Variants in CACNA2D3 observed in about 807,000 individuals in gnomAD.
CACNA2D3 encodes the protein voltage-dependent calcium channel subunit alpha-2/delta-3.
A neutral mutation model predicts 160.6 loss-of-function variants in CACNA2D3; 60 were observed. The observed-to-expected ratio is 0.37, with a 90% CI of 0.30 to 0.46. The LOEUF is 0.46. Among genes scored for constraint, CACNA2D3 ranks in the 20% least tolerant of loss-of-function variants. The pLI is 1.00. For missense variants in CACNA2D3, 1,205 were observed against 1,365.0 expected (o/e 0.88, Z 1.85); for synonymous variants, 558 against 492.9 (o/e 1.13, Z -1.75).
chr3:54,393,887 T>A (rs9870407), intron 4 of CACNA2D3, among the ~76,000 whole-genome samples: 3 of 152,082 alleles, frequency 2.0e-5, no homozygotes, highest in African/African-American at 7.2e-5. Flanking sequence ...ACCCGTCTTC[T>A]TGGGGAGTGG....
intron 4 of CACNA2D3, among the ~76,000 whole-genome samples, chr3:54,458,934 C>G (rs373946470): frequency 6.6e-6 from 1 of 152,058 alleles, no homozygotes; most frequent in African/African-American, 2.4e-5. Context: ...TCCCCCACCC[C>G]ACAACAGGCC....
intron 2 of CACNA2D3, among the ~76,000 whole-genome samples, chr3:54,265,611 TGTGTATATATATATA>T (rs1300170077): frequency 7.5e-5 from 11 of 147,560 alleles, no homozygotes; most frequent in East Asian, 2.2e-4. Flanking sequence ...ATATATATAG[TGTGTATATATATATA>T]GTGTGTATAT....
chr3:54,898,539 A>G (rs1700252744), intron 26 of CACNA2D3, among the ~76,000 whole-genome samples: 1 of 152,130 alleles, frequency 6.6e-6, no homozygotes, highest in Admixed American at 6.6e-5. Flanking sequence ...TCTGCACCAC[A>G]CTTTGTTGCT....
intron 10 of CACNA2D3, among the ~76,000 whole-genome samples, chr3:54,636,903 G>A (rs538894961): frequency 6.6e-6 from 1 of 152,106 alleles, no homozygotes; most frequent in Admixed American, 6.5e-5. Context: ...TCAGTGTCAG[G>A]GTGAGTCTAA....
chr3:54,836,226 C>CTTTTTTT (rs71096454), intron 14 of CACNA2D3, among the ~76,000 whole-genome samples: 164 of 92,628 alleles, frequency 1.8e-3, no homozygotes, highest in African/African-American at 2.3e-3. Context: ...TTTTTTTTTT[C>CTTTTTTT]TTTTTTTTTT....
intron 2 of CACNA2D3, among the ~76,000 whole-genome samples, chr3:54,277,316 G>A (rs763402387): frequency 6.6e-6 from 1 of 152,196 alleles, no homozygotes; most frequent in Non-Finnish European, 1.5e-5. Flanking sequence ...ACGATGTCAC[G>A]AAGGGGTCCA....
intron 4 of CACNA2D3, among the ~76,000 whole-genome samples, chr3:54,451,343 G>C (rs1244937276): frequency 7.4e-6 from 1 of 135,970 alleles, no homozygotes. Context: ...TCTGCCTACC[G>C]GGTTCAAGAG....
At chr3:54,569,750 A>G (rs770683091) in intron 6 of CACNA2D3, 45 bp from the exon 7 acceptor site, 21 of 1,423,658 alleles carry the variant, frequency 1.5e-5, no homozygotes, top group South Asian at 3.7e-5. Flanking sequence ...CTATGAATAA[A>G]TATTTGAAGT....
chr3:55,073,994 C>A, intron 37 of CACNA2D3, 120 bp from the exon 38 acceptor site: 1 of 1,086,394 alleles, frequency 9.2e-7, no homozygotes, highest in Non-Finnish European at 1.4e-6. Context: ...TGAATCTGCA[C>A]CATCATCTAG....
chr3:54,172,191 T>C (rs987017212), intron 2 of CACNA2D3, among the ~76,000 whole-genome samples: 1 of 152,260 alleles, frequency 6.6e-6, no homozygotes, highest in African/African-American at 2.4e-5. Flanking sequence ...CAATGCTGTT[T>C]ACTCTCCGTG....
At chr3:54,459,636 A>G (rs1344206635) in intron 4 of CACNA2D3, among the ~76,000 whole-genome samples, 1 of 151,506 alleles carries the variant, frequency 6.6e-6, no homozygotes, top group Non-Finnish European at 1.5e-5. Flanking sequence ...TTTTTCTTGT[A>G]AATTTGTTTG....
At chr3:54,354,363 A>G (rs1698613594) in intron 3 of CACNA2D3, among the ~76,000 whole-genome samples, 1 of 152,230 alleles carries the variant, frequency 6.6e-6, no homozygotes. Context: ...CATGGGCAAA[A>G]GTCAACAAGG....
chr3:54,814,113 C>G (rs544845512), intron 13 of CACNA2D3, among the ~76,000 whole-genome samples: 2 of 152,120 alleles, frequency 1.3e-5, no homozygotes, highest in African/African-American at 4.8e-5. Flanking sequence ...AAGCAATCTG[C>G]CCAACTTGAC....
intron 5 of CACNA2D3, among the ~76,000 whole-genome samples, chr3:54,557,618 C>A (rs2106697292): frequency 6.6e-6 from 1 of 152,264 alleles, no homozygotes; most frequent in Non-Finnish European, 1.5e-5. Flanking sequence ...CATAATTGAG[C>A]CCATTGTTGG....
chr3:54,784,159 C>T (rs747615592), intron 13 of CACNA2D3, among the ~76,000 whole-genome samples: 7 of 152,166 alleles, frequency 4.6e-5, no homozygotes, highest in Non-Finnish European at 7.3e-5. Context: ...ATAAGTAGAT[C>T]AAAGCTTCAA....
At chr3:54,798,173 ATT>A (rs1702907056) in intron 13 of CACNA2D3, among the ~76,000 whole-genome samples, 1 of 152,196 alleles carries the variant, frequency 6.6e-6, no homozygotes, top group Admixed American at 6.5e-5. Context: ...GTAATTCTTC[ATT>A]ATGGCTACCA....
chr3:54,469,688 G>C (rs1700693797), intron 4 of CACNA2D3, among the ~76,000 whole-genome samples: 2 of 151,884 alleles, frequency 1.3e-5, no homozygotes, highest in Non-Finnish European at 2.9e-5. Context: ...CTTGAAAAAA[G>C]GTTAGAGGAA....
chr3:54,770,271 A>G (rs966232777), intron 13 of CACNA2D3, among the ~76,000 whole-genome samples: 2 of 152,222 alleles, frequency 1.3e-5, no homozygotes, highest in African/African-American at 4.8e-5. Context: ...ATGGCTAAAA[A>G]TGTCAAATCC....
chr3:54,256,676 C>G (rs755468122), intron 2 of CACNA2D3, among the ~76,000 whole-genome samples: 1 of 149,076 alleles, frequency 6.7e-6, no homozygotes, highest in Non-Finnish European at 1.5e-5. Flanking sequence ...GCATTGTGCT[C>G]TCTGTTACTG....
Sources: allele counts gnomAD v4.1 joint callset (sites outside exome capture counted in the v4.1 genomes callset), GRCh38; gene constraint gnomAD v4.1.1; transcripts MANE v1.5; gene names NCBI Gene and HGNC (gene_info 2026-07-23, HGNC 2026-07-21).